The following MAP2K3 variants were observed in gnomAD, a reference collection of about 807,000 sequenced individuals.
MAP2K3 encodes the protein mitogen-activated protein kinase kinase 3, also known as dual specificity mitogen-activated protein kinase kinase 3.
Under a neutral mutation model 46.4 loss-of-function variants are expected in MAP2K3, and 30 were observed. That is an observed-to-expected ratio of 0.65 (90% CI 0.48 to 0.88). The LOEUF (loss-of-function observed/expected upper bound fraction) is 0.88. MAP2K3 is among the 40% of genes least tolerant of loss of function. MAP2K3 has a pLI of 0.00. For missense variants in MAP2K3, 380 were observed against 464.5 expected, an observed-to-expected ratio of 0.82 and a Z score of 1.67; for synonymous variants, 189 against 176.3, an observed-to-expected ratio of 1.07 and a Z score of -0.57.
intron 1 of MAP2K3, among the ~76,000 whole-genome samples, chr17:21,296,498 C>T (rs1367698024): frequency 2.0e-5 from 3 of 152,312 alleles, no homozygotes; most frequent in African/African-American, 7.2e-5. Context: ...CCTTCCGCCT[C>T]AGGGAGGGCT....
chr17:21,291,072 C>G (rs1975895304), intron 1 of MAP2K3, among the ~76,000 whole-genome samples: 1 of 152,310 alleles, frequency 6.6e-6, no homozygotes, highest in South Asian at 2.1e-4. Flanking sequence ...AAAACCCCGT[C>G]TCTACTAAAA....
At chr17:21,291,373 C>CAACAT (rs1313348667) in intron 1 of MAP2K3, 2 of 440,016 alleles carry the variant, frequency 4.5e-6, no homozygotes, top group African/African-American at 4.0e-5. Context: ...CAACACAACA[C>CAACAT]AACACGTAGT....
rs1251664961 is a variant in MAP2K3, at chr17:21,287,902, C to T, written c.49+2933C>T. On this transcript the variant is annotated intron_variant, in intron 1 of 11. Coordinates refer to ENST00000342679, the MANE Select transcript of MAP2K3 (RefSeq NM_145109.3). ...GAGCACTGTTGTATCCTAGCCCTGC[C>T]TGCTGTGGCCACCCCCCCAACCCCT... 7 of 546,738 alleles carry T rather than the reference C, an allele frequency of 1.3e-5. No individual in the cohort carries two copies. In the East Asian group the frequency reaches 4.8e-4, roughly 37 times the overall value. 33.9% of individuals were successfully genotyped at this position (546,738 alleles called of 1,614,324 possible). A position where few individuals can be genotyped will look rare whatever the true frequency, so the allele number is the denominator to read the frequency against.
chr17:21,291,939 C>G (rs1188800008), intron 1 of MAP2K3, among the ~76,000 whole-genome samples: 2 of 152,312 alleles, frequency 1.3e-5, no homozygotes, highest in Non-Finnish European at 1.5e-5. Flanking sequence ...AGGAGGAAAC[C>G]GAGGCTTGCA....
intron 1 of MAP2K3, 129 bp from the exon 2 acceptor site, chr17:21,298,283 GA>G (rs2144544066): frequency 7.4e-7 from 1 of 1,347,900 alleles, no homozygotes; most frequent in East Asian, 2.3e-5. Context: ...GGCTTGGAGA[GA>G]GGGGGCTCCC....
intron 1 of MAP2K3, among the ~76,000 whole-genome samples, chr17:21,298,029 C>T (rs1391887095): frequency 6.6e-6 from 1 of 152,304 alleles, no homozygotes; most frequent in Non-Finnish European, 1.5e-5. Context: ...ACAGTGGCTG[C>T]TGCAGGTGCT....
chr17:21,300,699 G>T, intron 4 of MAP2K3, 41 bp downstream of exon 4: 1 of 1,594,326 alleles, frequency 6.3e-7, no homozygotes, highest in South Asian at 1.1e-5. Flanking sequence ...CTCCCTGGAG[G>T]AGGCGGGCTG....
At chr17:21,288,141 G>A (rs769109982) in intron 1 of MAP2K3, 13 of 1,268,970 alleles carry the variant, frequency 1.0e-5, no homozygotes, top group East Asian at 5.6e-5. Flanking sequence ...CATGCCAGCC[G>A]GCTGCCTACA....
At chr17:21,293,594 G>A (rs1384497856) in intron 1 of MAP2K3, among the ~76,000 whole-genome samples, 1 of 152,312 alleles carries the variant, frequency 6.6e-6, no homozygotes, top group African/African-American at 2.4e-5. Context: ...TTCTCTGCAG[G>A]TGAGGAAGTC....
At chr17:21,314,094 A>C (rs1597509806) in intron 11 of MAP2K3, 53 bp from the exon 12 acceptor site, 1 of 1,409,602 alleles carries the variant, frequency 7.1e-7, no homozygotes, top group Non-Finnish European at 1.0e-6. Context: ...AAGAGTGGCC[A>C]CCTCTCCCTC....
chr17:21,292,863 G>C (rs949906329), intron 1 of MAP2K3, among the ~76,000 whole-genome samples: 5 of 152,304 alleles, frequency 3.3e-5, no homozygotes, highest in Non-Finnish European at 5.9e-5. Flanking sequence ...GCCACTCCTC[G>C]CATCCTGCTG....
At chr17:21,285,058 A>C in intron 1 of MAP2K3, 89 bp downstream of exon 1, 2 of 1,501,536 alleles carry the variant, frequency 1.3e-6, no homozygotes, top group Non-Finnish European at 1.8e-6. Context: ...GTCCCACCCC[A>C]TCCTGTTCTC....
intron 9 of MAP2K3, 34 bp from the exon 10 acceptor site, chr17:21,312,108 G>A: frequency 6.7e-7 from 1 of 1,492,092 alleles, no homozygotes; most frequent in Non-Finnish European, 8.9e-7. Flanking sequence ...TTGTATCTGG[G>A]GCCGGGGCCT....
Position 21,300,619 on chromosome 17 carries a change from G to A in MAP2K3, c.240G>A (p.Lys80=), listed in dbSNP as rs771651753. The part of the protein sequence containing the change: ...LGRGAYGVVE[K]VRHAQSGTIM... ...GTGGAGCCTATGGGGTGGTAGAGAA[G>A]GTGCGGCACGCCCAGAGCGGCACCA... is the stretch of plus-strand genomic sequence containing the variant. The change falls in exon 4 of 12, where the codon AAG becomes AAA. Residue 80 remains lysine, a synonymous_variant. Coordinates refer to ENST00000342679, the MANE Select transcript of MAP2K3 (RefSeq NM_145109.3). The A allele has an allele frequency of 1.9e-6, 3 of 1,612,758 alleles. No individual in the cohort carries two copies. The Admixed American group carries it at 5.0e-5, about 27-fold the overall frequency.
chr17:21,285,289 C>A, intron 1 of MAP2K3: 1 of 985,208 alleles, frequency 1.0e-6, no homozygotes, highest in East Asian at 1.1e-4. Flanking sequence ...GCAGCCTGGA[C>A]ATGAACTCTC....
intron 9 of MAP2K3, among the ~76,000 whole-genome samples, chr17:21,311,498 G>T (rs2144660429): frequency 6.6e-6 from 1 of 152,160 alleles, no homozygotes; most frequent in East Asian, 1.9e-4. Flanking sequence ...CAGGCCACTT[G>T]TCTAGGAGGG....
At chr17:21,297,404 G>C (rs917875254) in intron 1 of MAP2K3, among the ~76,000 whole-genome samples, 1 of 152,310 alleles carries the variant, frequency 6.6e-6, no homozygotes. Flanking sequence ...CTTGGGAAAT[G>C]ATGAGGCAGA....
chr17:21,289,198 G>C (rs1302769364), intron 1 of MAP2K3, among the ~76,000 whole-genome samples: 2 of 152,206 alleles, frequency 1.3e-5, no homozygotes, highest in Non-Finnish European at 2.9e-5. Flanking sequence ...GGTCCCCAAC[G>C]TGGGGCTGGG....
Position 21,291,325 on chromosome 17 carries a change from A to G in MAP2K3, c.49+6356A>G, listed in dbSNP as rs919777229. On this transcript the variant is annotated intron_variant, in intron 1 of 11. Transcript: ENST00000342679. ...ATAGAATACAATACAATAGAATACA[A>G]TAGAATACAGTACAATACAATACAA... The G allele has an allele frequency of 2.7e-3, 791 of 295,126 alleles. 7 individuals are homozygous for G. The highest frequency in any genetic ancestry group is 0.017 in the African/African-American group (641 of 38,534). 18.3% of individuals were successfully genotyped at this position (295,126 alleles called of 1,614,324 possible).
Sources: allele counts gnomAD v4.1 joint callset (sites outside exome capture counted in the v4.1 genomes callset), GRCh38; gene constraint gnomAD v4.1.1; transcripts MANE v1.5; gene names NCBI Gene and HGNC (gene_info 2026-07-23, HGNC 2026-07-21).